Variants in FAF1 observed in about 807,000 individuals in gnomAD.
FAF1 encodes Fas associated factor 1, also known as FAS-associated factor 1.
Under a neutral mutation model 92.5 loss-of-function variants are expected in FAF1, and 25 were observed. The ratio of observed to expected loss-of-function variants is 0.27; its 90% CI spans 0.20 to 0.38. The LOEUF (loss-of-function observed/expected upper bound fraction) is 0.38, where lower values mean the gene tolerates loss of function less well. Among genes scored for constraint, FAF1 ranks in the 10% least tolerant of loss-of-function variants. The probability of loss-of-function intolerance (pLI) is 1.00; values close to 1 mark genes in which losing one functional copy is unlikely to be tolerated. For synonymous variants in FAF1, 234 were observed against 273.2 expected, an observed-to-expected ratio of 0.86 and a Z score of 1.42; for missense variants, 636 against 793.3, an observed-to-expected ratio of 0.80 and a Z score of 2.38.
intron 15 of FAF1, among the ~76,000 whole-genome samples, chr1:50,509,008 T>C (rs1173824966): frequency 6.6e-6 from 1 of 152,078 alleles, no homozygotes; most frequent in African/African-American, 2.4e-5. Context: ...CTGGCCCAAA[T>C]TGTATACTTT....
At chr1:50,757,565 C>T (rs1660125497) in intron 4 of FAF1, among the ~76,000 whole-genome samples, 1 of 152,116 alleles carries the variant, frequency 6.6e-6, no homozygotes, top group African/African-American at 2.4e-5. Flanking sequence ...TAACATAGAT[C>T]CTTCAGGTTA....
intron 7 of FAF1, among the ~76,000 whole-genome samples, chr1:50,661,939 C>T (rs1655395472): frequency 6.6e-6 from 1 of 152,166 alleles, no homozygotes; most frequent in Non-Finnish European, 1.5e-5. Flanking sequence ...TTAAAACCCT[C>T]CTTAAAATCC....
intron 6 of FAF1, among the ~76,000 whole-genome samples, chr1:50,713,250 T>TAAGAAA (rs564624739): frequency 0.053 from 7,815 of 148,512 alleles, 592 homozygotes; most frequent in African/African-American, 0.18. Context: ...AATGAAACAG[T>TAAGAAA]TAAAAAAAAA....
At chr1:50,857,129 T>G (rs559621884) in intron 2 of FAF1, among the ~76,000 whole-genome samples, 1 of 151,796 alleles carries the variant, frequency 6.6e-6, no homozygotes. Context: ...AGAAAAGCTT[T>G]TCATATTTTG....
chr1:50,791,098 C>T (rs1223457437), intron 3 of FAF1, among the ~76,000 whole-genome samples: 2 of 152,094 alleles, frequency 1.3e-5, no homozygotes, highest in African/African-American at 4.8e-5. Context: ...TGATCCAAGA[C>T]AAAAATCTAC....
At chr1:50,659,539 C>G (rs77549435) in intron 7 of FAF1, among the ~76,000 whole-genome samples, 8,672 of 152,196 alleles carry the variant, frequency 0.057, 354 homozygotes, top group Middle Eastern at 0.085. Context: ...CAGTTAAGGA[C>G]AAGTGGCACT....
rs1369427612 is a variant in FAF1, at chr1:50,732,423, C to A, written c.551+6440G>T. 2.6e-5 allele frequency among the ~76,000 whole-genome samples: 4 copies of A among 152,222 alleles called. No homozygotes were observed. In the East Asian group the frequency reaches 7.7e-4, roughly 29 times the overall value. On this transcript the variant is annotated intron_variant, in intron 6 of 18. Coordinates refer to ENST00000396153, the MANE Select transcript of FAF1 (RefSeq NM_007051.3). ...ATTTTGTGTTCAATGTGGAGTTGGT[C>A]TATATCTTCTTGTAATTCTGTCCAA...
At chr1:50,858,823 T>G (rs921419577) in intron 1 of FAF1, among the ~76,000 whole-genome samples, 15 of 151,870 alleles carry the variant, frequency 9.9e-5, no homozygotes, top group African/African-American at 3.6e-4. Context: ...ATGCCATTTT[T>G]AAGCTGGGCA....
chr1:50,947,098 C>T (rs923796550), intron 1 of FAF1, among the ~76,000 whole-genome samples: 1 of 152,100 alleles, frequency 6.6e-6, no homozygotes, highest in Admixed American at 6.5e-5. Context: ...TACAAAGTAA[C>T]CAAAAGCTAG....
In FAF1 at chr1:50,703,181, A is replaced by C. The variant is rs17106356; in HGVS notation, c.657+2605T>G. 7.4e-3 allele frequency among the ~76,000 whole-genome samples: 1,130 copies of C among 152,320 alleles called. 24 individuals are homozygous for C. The highest frequency in any genetic ancestry group is 0.026 in the African/African-American group (1,076 of 41,582). On this transcript the variant is annotated intron_variant, in intron 7 of 18. Coordinates refer to ENST00000396153, the MANE Select transcript of FAF1 (RefSeq NM_007051.3). ...TAATTTACAATTTAGCACATATGGT[A>C]TCATTAAGCTTTCACATTAATAAAA...
chr1:50,924,383 G>C (rs1172783155), intron 1 of FAF1, among the ~76,000 whole-genome samples: 1 of 151,076 alleles, frequency 6.6e-6, no homozygotes, highest in African/African-American at 2.4e-5. Flanking sequence ...CCTCTGCAAT[G>C]AAAATTACAA....
chr1:50,497,705 T>C lies in FAF1; in HGVS notation c.1495-5904A>G, dbSNP rs1023801406. 8.6e-5 allele frequency among the ~76,000 whole-genome samples: 13 copies of C among 151,954 alleles called. No individual in the cohort carries two copies. In the South Asian group the frequency reaches 1.7e-3, roughly 20 times the overall value. ...CTGGGATTACAGGTGCATGCCACCATGCCCGGCTAATATTTTGTATTTTTA... is the reference window on the plus strand; with the variant it reads ...CTGGGATTACAGGTGCATGCCACCACGCCCGGCTAATATTTTGTATTTTTA... On this transcript the variant is annotated intron_variant, in intron 15 of 18. Transcript: ENST00000396153.
At chr1:50,488,552 T>G (rs776712978) in intron 17 of FAF1, among the ~76,000 whole-genome samples, 10 of 152,212 alleles carry the variant, frequency 6.6e-5, no homozygotes, top group Admixed American at 3.3e-4. Context: ...CTATATTTCT[T>G]GAAATAGCCT....
At chr1:50,739,400 GTA>G (rs1491111301) in intron 5 of FAF1, among the ~76,000 whole-genome samples, 8 of 114,746 alleles carry the variant, frequency 7.0e-5, no homozygotes, top group African/African-American at 3.0e-4. Flanking sequence ...GTGTTTATGT[GTA>G]TGTGTATACA....
At chr1:50,854,016 C>A (rs552146508) in intron 2 of FAF1, among the ~76,000 whole-genome samples, 1 of 152,012 alleles carries the variant, frequency 6.6e-6, no homozygotes, top group Admixed American at 6.6e-5. Flanking sequence ...ATGAGGAATT[C>A]AGAAGTTAGA....
At position 50,891,281 on chromosome 1, in the gene FAF1, T is replaced by C. The variant is rs562606973; in HGVS notation, c.46-33284A>G. Among the ~76,000 whole-genome samples the C allele has an allele frequency of 1.2e-4, 18 of 152,296 alleles. No individual in the cohort carries two copies. In the South Asian group the frequency reaches 3.3e-3, roughly 28 times the overall value. On this transcript the variant is annotated intron_variant, in intron 1 of 18. Coordinates refer to ENST00000396153, the MANE Select transcript of FAF1 (RefSeq NM_007051.3). ...TTCGTCTATCTTTTTTCAAGGTTTT[T>C]AACTTCTTTGAGATGGGTTCGAACA...
intron 1 of FAF1, among the ~76,000 whole-genome samples, chr1:50,860,449 C>A (rs1466015579): frequency 6.6e-6 from 1 of 151,810 alleles, no homozygotes; most frequent in African/African-American, 2.4e-5. Context: ...AGGACATGAA[C>A]AGACACTTCT....
intron 15 of FAF1, among the ~76,000 whole-genome samples, chr1:50,495,817 A>G (rs1312858177): frequency 6.6e-6 from 1 of 152,148 alleles, no homozygotes; most frequent in Non-Finnish European, 1.5e-5. Flanking sequence ...CTGAGGTGAG[A>G]TGATATCTTA....
At chr1:50,577,111 G>A (rs905690237) in intron 12 of FAF1, among the ~76,000 whole-genome samples, 2 of 152,104 alleles carry the variant, frequency 1.3e-5, no homozygotes, top group Non-Finnish European at 1.5e-5. Context: ...ACTGGTTGTC[G>A]TTTCCTCACT....
Sources: allele counts gnomAD v4.1 joint callset (sites outside exome capture counted in the v4.1 genomes callset), GRCh38; gene constraint gnomAD v4.1.1; transcripts MANE v1.5; gene names NCBI Gene and HGNC (gene_info 2026-07-23, HGNC 2026-07-21).